The following ZNF385D variants were observed in gnomAD, a reference collection of about 807,000 sequenced individuals.
ZNF385D encodes zinc finger protein 385D.
In ZNF385D, 15 loss-of-function variants were observed where a neutral mutation model predicts 35.8. The ratio of observed to expected loss-of-function variants is 0.42; its 90% CI spans 0.28 to 0.64. ZNF385D has a LOEUF of 0.64. Among genes scored for constraint, ZNF385D ranks in the 30% least tolerant of loss-of-function variants. The pLI is 0.23. For synonymous variants in ZNF385D, 212 were observed against 186.8 expected (o/e 1.13, Z -1.10); for missense variants, 474 against 494.6 (o/e 0.96, Z 0.39).
At chr3:22,160,911 G>C (rs149925285) in intron 3 of ZNF385D, among the ~76,000 whole-genome samples, 107 of 152,188 alleles carry the variant, frequency 7.0e-4, no homozygotes, top group African/African-American at 2.5e-3. Flanking sequence ...ACATGAAACT[G>C]AATTAATTTG....
intron 2 of ZNF385D, among the ~76,000 whole-genome samples, chr3:22,190,143 T>C (rs943254265): frequency 1.3e-5 from 2 of 152,208 alleles, no homozygotes; most frequent in Admixed American, 1.3e-4. Flanking sequence ...TTTATATTGC[T>C]GCTGAGGAGT....
chr3:21,472,992 C>G (rs774429334), intron 4 of ZNF385D, among the ~76,000 whole-genome samples: 1 of 152,056 alleles, frequency 6.6e-6, no homozygotes, highest in Non-Finnish European at 1.5e-5. Context: ...CTACTCACCA[C>G]TTCTATTCCC....
chr3:22,103,313 G>A (rs988328751), intron 3 of ZNF385D, among the ~76,000 whole-genome samples: 2 of 151,498 alleles, frequency 1.3e-5, no homozygotes, highest in African/African-American at 2.4e-5. Flanking sequence ...AAGTGCTTAC[G>A]ATTTTGCCTG....
rs184522937 is a variant in ZNF385D at position 22,077,153 on chromosome 3, G to A, written c.325+91664C>T. On this transcript the variant is annotated intron_variant, in intron 3 of 5. Coordinates refer to the ZNF385D transcript ENST00000494108. ...GTTAGTAAATGATTATGTAGCAGAGGTATTGCTATAGTTCAGTATTGATGT... is the reference window on the plus strand; with the variant it reads ...GTTAGTAAATGATTATGTAGCAGAGATATTGCTATAGTTCAGTATTGATGT... Among the ~76,000 whole-genome samples the A allele has an allele frequency of 8.3e-3, 1,266 of 151,952 alleles. 11 individuals are homozygous for A. The highest frequency in any genetic ancestry group is 9.3e-3 in the Non-Finnish European group (628 of 67,846).
intron 3 of ZNF385D, among the ~76,000 whole-genome samples, chr3:22,045,654 G>A (rs1576220459): frequency 6.6e-6 from 1 of 152,088 alleles, no homozygotes; most frequent in South Asian, 2.1e-4. Flanking sequence ...AGTAAAGGTG[G>A]TATTTTAAAA....
chr3:22,208,669 T>C (rs986720236), intron 2 of ZNF385D, among the ~76,000 whole-genome samples: 1 of 151,720 alleles, frequency 6.6e-6, no homozygotes, highest in African/African-American at 2.4e-5. Flanking sequence ...ATATCTTATG[T>C]ACCCCATAAA....
chr3:21,803,062 A>G (rs2072480616), intron 3 of ZNF385D, among the ~76,000 whole-genome samples: 1 of 152,204 alleles, frequency 6.6e-6, no homozygotes, highest in Admixed American at 6.5e-5. Flanking sequence ...ACTTCAAGGC[A>G]AGATGGCTGC....
At chr3:21,671,136 T>C (rs2066564660) in intron 1 of ZNF385D, among the ~76,000 whole-genome samples, 1 of 152,088 alleles carries the variant, frequency 6.6e-6, no homozygotes, top group Non-Finnish European at 1.5e-5. Context: ...TTTTATAGCA[T>C]ATTACACATG....
intron 3 of ZNF385D, among the ~76,000 whole-genome samples, chr3:22,084,842 C>T (rs968716537): frequency 6.6e-6 from 1 of 152,116 alleles, no homozygotes; most frequent in African/African-American, 2.4e-5. Flanking sequence ...CACTCCTCAG[C>T]AATGTAAAAG....
At chr3:22,050,475 C>G (rs1331763991) in intron 3 of ZNF385D, among the ~76,000 whole-genome samples, 1 of 152,128 alleles carries the variant, frequency 6.6e-6, no homozygotes, top group African/African-American at 2.4e-5. Flanking sequence ...AGATCCTGGG[C>G]TTTCCTTTGA....
intron 2 of ZNF385D, among the ~76,000 whole-genome samples, chr3:22,189,496 A>T (rs1695872919): frequency 6.6e-6 from 1 of 152,140 alleles, no homozygotes; most frequent in African/African-American, 2.4e-5. Flanking sequence ...CTGTTTAGAG[A>T]CACAAGTGAG....
At chr3:22,276,319 A>G (rs1302557327) in intron 2 of ZNF385D, among the ~76,000 whole-genome samples, 1 of 152,104 alleles carries the variant, frequency 6.6e-6, no homozygotes. Context: ...TTTCCACTGT[A>G]CATTATAATT....
intron 2 of ZNF385D, among the ~76,000 whole-genome samples, chr3:21,584,082 T>G (rs2063744547): frequency 1.3e-5 from 2 of 151,978 alleles, no homozygotes; most frequent in African/African-American, 4.8e-5. Flanking sequence ...CAAGCTATTC[T>G]CCTGCCTCAG....
intron 3 of ZNF385D, among the ~76,000 whole-genome samples, chr3:21,826,073 A>G (rs930845299): frequency 6.6e-6 from 1 of 152,178 alleles, no homozygotes; most frequent in African/African-American, 2.4e-5. Context: ...TGTCTTCCAC[A>G]AAACTGGTCC....
intron 3 of ZNF385D, among the ~76,000 whole-genome samples, chr3:21,512,134 A>T (rs1707260016): frequency 7.6e-6 from 1 of 131,304 alleles, no homozygotes; most frequent in Admixed American, 7.9e-5. Context: ...TGACAGAGCG[A>T]GACTCCATCT....
chr3:22,013,936 A>G (rs1286067699), intron 3 of ZNF385D, among the ~76,000 whole-genome samples: 1 of 152,148 alleles, frequency 6.6e-6, no homozygotes, highest in Non-Finnish European at 1.5e-5. Context: ...AAGACCCTTC[A>G]TCAACTGCTT....
intron 1 of ZNF385D, among the ~76,000 whole-genome samples, chr3:21,706,668 C>G (rs1351634802): frequency 1.3e-5 from 2 of 152,080 alleles, no homozygotes; most frequent in Non-Finnish European, 2.9e-5. Flanking sequence ...AGAAAAGAGT[C>G]AGTTATAGTT....
At chr3:21,812,370 T>C (rs1184539353) in intron 3 of ZNF385D, among the ~76,000 whole-genome samples, 3 of 152,116 alleles carry the variant, frequency 2.0e-5, no homozygotes, top group African/African-American at 7.2e-5. Context: ...GGGCAGCCCA[T>C]GGAGTGTGAG....
chr3:21,794,099 A>G (rs1818556), intron 3 of ZNF385D, among the ~76,000 whole-genome samples: 14,617 of 152,138 alleles, frequency 0.096, 752 homozygotes, highest in African/African-American at 0.11. Flanking sequence ...CAGTGTCATC[A>G]AGAAAAACAA....
Sources: gnomAD v4.1 joint callset for allele counts (sites outside exome capture counted in the v4.1 genomes callset) on GRCh38, gnomAD v4.1.1 for gene constraint, MANE v1.5 for transcripts, NCBI Gene and HGNC (gene_info 2026-07-23, HGNC 2026-07-21) for gene names.